Variants in RAPGEF6 observed in about 807,000 individuals in gnomAD.
The protein encoded by RAPGEF6 is PDZ domain containing guanine nucleotide exchange factor (GEF) 2.
In RAPGEF6, 56 loss-of-function variants were observed where a neutral mutation model predicts 171.4. The ratio of observed to expected loss-of-function variants is 0.33; its 90% CI spans 0.26 to 0.41. The LOEUF (loss-of-function observed/expected upper bound fraction) is 0.41. Ranked by LOEUF, RAPGEF6 falls within the 10% of genes least tolerant of loss-of-function variation. RAPGEF6 has a pLI of 1.00. For synonymous variants in RAPGEF6, 692 were observed against 650.1 expected (o/e 1.06, Z -0.98); for missense variants, 1,674 against 1,921.4 (o/e 0.87, Z 2.41).
chr5:131,557,061 C>T (rs1316281012), intron 5 of RAPGEF6, among the ~76,000 whole-genome samples: 1 of 152,158 alleles, frequency 6.6e-6, no homozygotes, highest in Non-Finnish European at 1.5e-5. Flanking sequence ...TGTGTCACAA[C>T]ACCCAGCTTA....
At chr5:131,624,366 A>C (rs1765777234) in intron 1 of RAPGEF6, among the ~76,000 whole-genome samples, 1 of 152,246 alleles carries the variant, frequency 6.6e-6, no homozygotes, top group Non-Finnish European at 1.5e-5. Context: ...AAGAGATTTT[A>C]GTGTCAGGAT....
chr5:131,531,760 C>T (rs890911277), intron 6 of RAPGEF6, among the ~76,000 whole-genome samples: 2 of 151,956 alleles, frequency 1.3e-5, no homozygotes, highest in African/African-American at 4.8e-5. Context: ...GACTAACATA[C>T]CTAAATATAT....
chr5:131,494,818 G>A (rs1489461320), intron 13 of RAPGEF6, among the ~76,000 whole-genome samples: 5 of 152,160 alleles, frequency 3.3e-5, no homozygotes, highest in African/African-American at 1.2e-4. Context: ...AGAAATGGCT[G>A]AGAGAGACCA....
intron 3 of RAPGEF6, among the ~76,000 whole-genome samples, chr5:131,594,024 T>C (rs1257414988): frequency 2.0e-5 from 3 of 152,100 alleles, no homozygotes; most frequent in Admixed American, 6.5e-5. Flanking sequence ...GCCAACACAA[T>C]GGGGAAAATG....
At chr5:131,525,234 T>A (rs1050130874) in intron 6 of RAPGEF6, among the ~76,000 whole-genome samples, 2 of 152,106 alleles carry the variant, frequency 1.3e-5, no homozygotes, top group African/African-American at 2.4e-5. Context: ...TGCATTTTCT[T>A]TTAGGGCACA....
intron 6 of RAPGEF6, among the ~76,000 whole-genome samples, chr5:131,526,935 T>A (rs1758905362): frequency 6.6e-6 from 1 of 152,102 alleles, no homozygotes; most frequent in African/African-American, 2.4e-5. Context: ...ATACTTTGTA[T>A]ATATAGAGGG....
intron 7 of RAPGEF6, among the ~76,000 whole-genome samples, chr5:131,514,820 G>C (rs1410742111): frequency 5.9e-5 from 9 of 151,994 alleles, no homozygotes; most frequent in African/African-American, 1.9e-4. Context: ...GTGAAGGTAG[G>C]GTACACAGAA....
rs774776309 is a variant in RAPGEF6, at chr5:131,430,984, T to C, written c.4340A>G (p.Tyr1447Cys). 4 of 1,614,178 alleles carry C rather than the reference T, an allele frequency of 2.5e-6. No individual in the cohort carries two copies. Among genetic ancestry groups the C allele is most frequent in the Non-Finnish European group, 8.5e-7 (1 of 1,180,022 alleles). ...CAATACTCTCTGTTTAACTGTCCCA[T>C]AGTTTGGTTCATACGTGTCAGACAG... is the stretch of plus-strand genomic sequence containing the variant. ...SSLSDTYEPNYGTVKQRVLES... is the reference protein window; with the variant it reads ...SSLSDTYEPNCGTVKQRVLES... Residue 1447 changes from tyrosine (Y) to cysteine (C), a missense_variant, in exon 26 of 28, where the codon TAT becomes TGT. Around this residue, in one of 3 missense-constraint regions of RAPGEF6, gnomAD observed 552 missense variants for 574.2 expected, o/e 0.96. Coordinates refer to ENST00000509018, the MANE Select transcript of RAPGEF6 (RefSeq NM_016340.6).
chr5:131,563,692 C>T (rs1444368227), intron 4 of RAPGEF6, among the ~76,000 whole-genome samples: 1 of 152,028 alleles, frequency 6.6e-6, no homozygotes, highest in Non-Finnish European at 1.5e-5. Context: ...TTTGTAGAGA[C>T]AGGGGTTTTG....
intron 3 of RAPGEF6, among the ~76,000 whole-genome samples, chr5:131,601,333 C>T (rs1764242943): frequency 6.9e-6 from 1 of 144,554 alleles, no homozygotes; most frequent in Non-Finnish European, 1.5e-5. Flanking sequence ...TGCAGTGAGC[C>T]AAGGTCACAC....
chr5:131,510,101 G>GC, intron 8 of RAPGEF6, among the ~76,000 whole-genome samples: 1 of 152,142 alleles, frequency 6.6e-6, no homozygotes. Context: ...CTGGATGGCT[G>GC]CAGCCCTGTG....
chr5:131,538,932 AAGG>A (rs1211901928), intron 6 of RAPGEF6, among the ~76,000 whole-genome samples: 3 of 152,196 alleles, frequency 2.0e-5, no homozygotes, highest in Non-Finnish European at 2.9e-5. Flanking sequence ...CTAGAAGATA[AAGG>A]AGGAGTATTC....
At chr5:131,506,714 C>T (rs902020669) in intron 9 of RAPGEF6, among the ~76,000 whole-genome samples, 6 of 152,084 alleles carry the variant, frequency 3.9e-5, no homozygotes, top group Non-Finnish European at 8.8e-5. Context: ...ATCCCCGTAT[C>T]TAGAACAGTA....
At chr5:131,626,141 A>C (rs1422633020) in intron 1 of RAPGEF6, among the ~76,000 whole-genome samples, 1 of 152,116 alleles carries the variant, frequency 6.6e-6, no homozygotes, top group African/African-American at 2.4e-5. Context: ...TAAACATCTC[A>C]CATCATGTAC....
intron 3 of RAPGEF6, among the ~76,000 whole-genome samples, chr5:131,592,731 G>A (rs1763666978): frequency 6.6e-6 from 1 of 151,880 alleles, no homozygotes; most frequent in African/African-American, 2.4e-5. Flanking sequence ...ATACATTTTA[G>A]CAAAAAACAA....
chr5:131,429,350 G>T (rs1751559629), intron 26 of RAPGEF6, 134 bp from the exon 27 acceptor site: 3 of 756,934 alleles, frequency 4.0e-6, no homozygotes, highest in Non-Finnish European at 6.2e-6. Context: ...AATGATGGCA[G>T]ATCAAAAACA....
chr5:131,605,773 G>A (rs11750692), intron 1 of RAPGEF6, among the ~76,000 whole-genome samples: 95,842 of 151,946 alleles, frequency 0.63, 32,223 homozygotes, highest in Non-Finnish European at 0.77. Context: ...GCTCACGCCT[G>A]TAATCCCAAC....
At chr5:131,609,257 T>C (rs1416112626) in intron 1 of RAPGEF6, among the ~76,000 whole-genome samples, 1 of 152,180 alleles carries the variant, frequency 6.6e-6, no homozygotes, top group Non-Finnish European at 1.5e-5. Context: ...AGTATTCTGT[T>C]ATAGCAACAC....
At chr5:131,569,589 GAACT>G (rs1336649758) in intron 4 of RAPGEF6, among the ~76,000 whole-genome samples, 6 of 152,050 alleles carry the variant, frequency 3.9e-5, no homozygotes, top group Admixed American at 1.3e-4. Context: ...CAAAATGTAA[GAACT>G]AAATTTTAAA....
Sources: allele counts gnomAD v4.1 joint callset (sites outside exome capture counted in the v4.1 genomes callset), GRCh38; gene constraint gnomAD v4.1.1; regional missense constraint gnomAD v4.1.1; transcripts MANE v1.5; gene names NCBI Gene and HGNC (gene_info 2026-07-23, HGNC 2026-07-21).